UGT3A1: variants seen among roughly 807,000 people sequenced by gnomAD.
UGT3A1 encodes UDP-glycosyltransferase 3A1.
In UGT3A1, 40 loss-of-function variants were observed where a neutral mutation model predicts 37.6. That is an observed-to-expected ratio of 1.06 (90% confidence interval 0.83 to 1.38). UGT3A1 has a LOEUF of 1.38. Ranked by LOEUF, UGT3A1 falls within the 40% of genes most tolerant of loss-of-function variation. The pLI is 0.00. For missense variants in UGT3A1, 642 were observed against 634.2 expected, an observed-to-expected ratio of 1.01 and a Z score of -0.13; for synonymous variants, 256 against 232.3, an observed-to-expected ratio of 1.10 and a Z score of -0.93.
chr5:35,978,512 A>T (rs1450969830), intron 2 of UGT3A1, among the ~76,000 whole-genome samples: 1 of 152,132 alleles, frequency 6.6e-6, no homozygotes, highest in Non-Finnish European at 1.5e-5. Flanking sequence ...TTGTGTAGGG[A>T]AACACACAAG....
intron 1 of UGT3A1, among the ~76,000 whole-genome samples, chr5:35,989,091 C>G (rs1008441748): frequency 6.6e-6 from 1 of 152,164 alleles, no homozygotes; most frequent in African/African-American, 2.4e-5. Context: ...TGCCATTGGA[C>G]AGAAGCTACT....
chr5:35,987,265 A>T (rs1215997763), intron 2 of UGT3A1, among the ~76,000 whole-genome samples: 1 of 152,158 alleles, frequency 6.6e-6, no homozygotes, highest in Non-Finnish European at 1.5e-5. Flanking sequence ...AGCTCTACCC[A>T]AATACTACTG....
upstream of UGT3A1, among the ~76,000 whole-genome samples, chr5:35,993,324 C>A (rs1249137320): frequency 6.6e-6 from 1 of 152,018 alleles, no homozygotes; most frequent in Admixed American, 6.6e-5. Context: ...ATTAGCTGGG[C>A]GTGGTAGCAC....
chr5:35,976,666 A>G (rs1174294261), intron 2 of UGT3A1, among the ~76,000 whole-genome samples: 1 of 151,928 alleles, frequency 6.6e-6, no homozygotes, highest in Non-Finnish European at 1.5e-5. Flanking sequence ...ATAGTGAGAT[A>G]CCGACTCTAC....
intron 1 of UGT3A1, among the ~76,000 whole-genome samples, chr5:35,999,394 T>G (rs1336293634): frequency 6.6e-6 from 1 of 152,146 alleles, no homozygotes; most frequent in African/African-American, 2.4e-5. Context: ...AAGAGCAGCA[T>G]TCAAGCCACC....
At chr5:35,982,411 G>A (rs1199154803) in intron 2 of UGT3A1, among the ~76,000 whole-genome samples, 1 of 152,222 alleles carries the variant, frequency 6.6e-6, no homozygotes, top group East Asian at 1.9e-4. Flanking sequence ...AGCATGTCCT[G>A]GATGTGAGAC....
chr5:35,990,510 A>G (rs1032461967), intron 1 of UGT3A1, among the ~76,000 whole-genome samples: 2 of 152,106 alleles, frequency 1.3e-5, no homozygotes, highest in African/African-American at 4.8e-5. Flanking sequence ...GAATCCCTTA[A>G]AAACGGTCAG....
intron 2 of UGT3A1, among the ~76,000 whole-genome samples, chr5:35,970,219 T>C (rs896261726): frequency 1.3e-5 from 2 of 151,978 alleles, no homozygotes; most frequent in East Asian, 3.9e-4. Context: ...TGAAACCCCA[T>C]CTCTACTAAA....
intron 4 of UGT3A1, 41 bp downstream of exon 4, chr5:35,965,345 C>T: frequency 6.3e-7 from 1 of 1,594,730 alleles, no homozygotes; most frequent in African/African-American, 1.3e-5. Flanking sequence ...CACCCAAGGA[C>T]TCTATGTGAA....
chr5:35,991,335 G>GGC lies in UGT3A1; in HGVS notation c.-97_-96dup, dbSNP rs1483848718. ...CGCGCCTCAGTACTCCAAAGGCACTGGCTGTGGGCCTAGGAAGAGGTAGGA... is the reference window on the plus strand; with the variant it reads ...CGCGCCTCAGTACTCCAAAGGCACTGGCGCTGTGGGCCTAGGAAGAGGTAGGA... On this transcript the variant is annotated 5_prime_UTR_variant, in exon 1 of 7. Transcript: ENST00000274278. 1.3e-6 allele frequency: 2 copies of GGC among 1,567,520 alleles called. No homozygotes were observed. The highest frequency in any genetic ancestry group is 1.7e-6 in the Non-Finnish European group (2 of 1,157,660).
intron 2 of UGT3A1, among the ~76,000 whole-genome samples, chr5:35,986,112 T>C (rs988132278): frequency 1.3e-5 from 2 of 151,854 alleles, no homozygotes; most frequent in Admixed American, 6.6e-5. Flanking sequence ...CTCAGAAAAA[T>C]GCAAATCAAA....
chr5:35,954,550 G>GCA, intron 6 of UGT3A1, 72 bp from the exon 7 acceptor site: 1 of 1,542,386 alleles, frequency 6.5e-7, no homozygotes, highest in Non-Finnish European at 8.8e-7. Context: ...TATTGCATGA[G>GCA]CACACACACA....
chr5:35,968,539 G>A (rs74420376), intron 2 of UGT3A1, among the ~76,000 whole-genome samples: 1 of 152,048 alleles, frequency 6.6e-6, no homozygotes, highest in Non-Finnish European at 1.5e-5. Context: ...TTCTCTTTTA[G>A]AAAAAATCAT....
chr5:35,957,493 C>G (rs1000825276), intron 4 of UGT3A1, 74 bp from the exon 5 acceptor site: 2 of 1,249,276 alleles, frequency 1.6e-6, no homozygotes, highest in African/African-American at 1.5e-5. Flanking sequence ...GAAACCCAGT[C>G]TATTTACTAA....
chr5:35,958,144 G>A (rs985559169), intron 4 of UGT3A1, among the ~76,000 whole-genome samples: 2 of 152,016 alleles, frequency 1.3e-5, no homozygotes, highest in Non-Finnish European at 2.9e-5. Flanking sequence ...ATAATTATGT[G>A]AATGCAAACA....
chr5:35,999,183 G>A (rs1002280714), intron 1 of UGT3A1, among the ~76,000 whole-genome samples: 2 of 144,686 alleles, frequency 1.4e-5, no homozygotes, highest in African/African-American at 5.2e-5. Flanking sequence ...CTTGCAGTGA[G>A]CCGAGATCAC....
At chr5:35,991,570 T>C (rs1418690502), upstream of UGT3A1, 23 of 1,081,438 alleles carry the variant, frequency 2.1e-5, no homozygotes, top group Admixed American at 4.7e-5. Context: ...GAGCCAGGAA[T>C]GACAGGGGCC....
intron 2 of UGT3A1, among the ~76,000 whole-genome samples, chr5:35,973,829 A>G (rs1740149064): frequency 6.6e-6 from 1 of 152,154 alleles, no homozygotes. Flanking sequence ...CACCAAAATC[A>G]AGGTAGGCAT....
At position 35,983,246 on chromosome 5, in the gene UGT3A1, T is replaced by C. The variant is rs569069891; in HGVS notation, c.196+5204A>G. Among the ~76,000 whole-genome samples the C allele has an allele frequency of 9.3e-5, 14 of 151,068 alleles. 1 individual carries two copies. In the South Asian group the frequency reaches 2.7e-3, roughly 29 times the overall value. ...GAGACCACAGAAATACAAAGAAGCATTAAAAGTCTCTATATTATTACAAAC... is the reference window on the plus strand; with the variant it reads ...GAGACCACAGAAATACAAAGAAGCACTAAAAGTCTCTATATTATTACAAAC... On this transcript the variant is annotated intron_variant, in intron 2 of 6. Transcript: ENST00000274278.
Sources: allele counts gnomAD v4.1 joint callset (sites outside exome capture counted in the v4.1 genomes callset), GRCh38; gene constraint gnomAD v4.1.1; transcripts MANE v1.5; gene names NCBI Gene and HGNC (gene_info 2026-07-23, HGNC 2026-07-21).